The following NAV1 variants were observed in gnomAD, a reference collection of about 807,000 sequenced individuals.
NAV1 encodes neuron navigator 1.
In NAV1, 18 loss-of-function variants were observed where a neutral mutation model predicts 175.2. The ratio of observed to expected loss-of-function variants is 0.10; its 90% CI spans 0.07 to 0.15. NAV1 has a LOEUF of 0.15. NAV1 is among the 10% of genes least tolerant of loss of function. The pLI is 1.00. For missense variants in NAV1, 1,731 were observed against 2,436.6 expected (o/e 0.71, Z 6.10); for synonymous variants, 897 against 978.7 (o/e 0.92, Z 1.56).
intron 1 of NAV1, among the ~76,000 whole-genome samples, chr1:201,697,008 T>G (rs1432002899): frequency 2.0e-5 from 3 of 152,352 alleles, no homozygotes; most frequent in East Asian, 3.9e-4. Context: ...ACAAAAAATT[T>G]TTTTAAATGC....
intron 3 of NAV1, among the ~76,000 whole-genome samples, chr1:201,777,977 G>C (rs1420285345): frequency 6.6e-6 from 1 of 152,012 alleles, no homozygotes; most frequent in East Asian, 1.9e-4. Flanking sequence ...AAGAAACTAT[G>C]CTCTCTTCAG....
chr1:201,615,736 G>A (rs1198800489), intron 2 of NAV1, among the ~76,000 whole-genome samples: 1 of 152,204 alleles, frequency 6.6e-6, no homozygotes, highest in Non-Finnish European at 1.5e-5. Flanking sequence ...AGCAGAGCTA[G>A]GATTTGAACC....
chr1:201,707,670 A>G (rs1452256348), intron 1 of NAV1, among the ~76,000 whole-genome samples: 2 of 152,216 alleles, frequency 1.3e-5, no homozygotes, highest in Non-Finnish European at 2.9e-5. Context: ...TGGAACAGAG[A>G]GAAAGACCCT....
At chr1:201,758,194 CAA>C (rs1674632345) in intron 3 of NAV1, among the ~76,000 whole-genome samples, 1 of 152,168 alleles carries the variant, frequency 6.6e-6, no homozygotes, top group Admixed American at 6.5e-5. Context: ...ATGGGCAGTC[CAA>C]AAAGAGTGCC....
upstream of NAV1, among the ~76,000 whole-genome samples, chr1:201,620,233 G>A (rs1162294482): frequency 1.3e-5 from 2 of 152,096 alleles, no homozygotes; most frequent in African/African-American, 2.4e-5. Flanking sequence ...TATGGAAGGG[G>A]GGATCCCAGG....
chr1:201,642,838 C>T (rs1234988304), intron 2 of NAV1, among the ~76,000 whole-genome samples: 3 of 151,240 alleles, frequency 2.0e-5, no homozygotes, highest in East Asian at 2.0e-4. Flanking sequence ...GGCGCCATCT[C>T]GGCTCACTGC....
chr1:201,668,038 A>AC (rs2102371235), intron 1 of NAV1, among the ~76,000 whole-genome samples: 1 of 152,210 alleles, frequency 6.6e-6, no homozygotes, highest in Non-Finnish European at 1.5e-5. Flanking sequence ...GGCACTTGAA[A>AC]CCATAGCGCC....
chr1:201,738,257 G>A lies in NAV1; in HGVS notation c.1226+19502G>A, dbSNP rs115491428. ...GGGGAAGTCTGAGGGATTGGCGCTA[G>A]GATCACTGCAGCTCTTTACTCCCCT... On this transcript the variant is annotated intron_variant, in intron 3 of 29. Coordinates refer to ENST00000367296, the Ensembl canonical transcript of NAV1. Among the ~76,000 whole-genome samples, 847 of 152,120 alleles carry A rather than the reference G, an allele frequency of 5.6e-3. 8 individuals carry two copies. The highest frequency in any genetic ancestry group is 0.018 in the African/African-American group (766 of 41,502).
chr1:201,545,944 A>G (rs1665659030), intron 1 of NAV1, among the ~76,000 whole-genome samples: 1 of 152,232 alleles, frequency 6.6e-6, no homozygotes, highest in Admixed American at 6.5e-5. Context: ...AAAGGATTTC[A>G]AGAGTCAGTT....
chr1:201,554,408 A>C (rs1665952613), intron 1 of NAV1, among the ~76,000 whole-genome samples: 1 of 152,206 alleles, frequency 6.6e-6, no homozygotes, highest in East Asian at 1.9e-4. Flanking sequence ...GAACCTAGCA[A>C]GCAGTGGGCA....
Position 201,779,598 on chromosome 1 carries a change from C to CAAAAAAAAAAAAAAAAAA in NAV1, c.1227-817_1227-800dup, listed in dbSNP as rs10624879. Among the ~76,000 whole-genome samples, 172 of 69,036 alleles carry CAAAAAAAAAAAAAAAAAA rather than the reference C, an allele frequency of 2.5e-3. 2 individuals are homozygous for CAAAAAAAAAAAAAAAAAA. The highest frequency in any genetic ancestry group is 0.011 in the African/African-American group (141 of 12,804). The allele number at this position is 69,036 out of a possible 152,430, so 45.3% of individuals were successfully genotyped here. A position where few individuals can be genotyped will look rare whatever the true frequency, so the allele number is the denominator to read the frequency against. ...GGGGCAACAGAGCAGGACTCCGTCT[C>CAAAAAAAAAAAAAAAAAA]AAAAAAAAAAAAAAAAAAAAAAAGA... On this transcript the variant is annotated intron_variant, in intron 3 of 29. Coordinates refer to ENST00000367296, the Ensembl canonical transcript of NAV1.
intron 3 of NAV1, among the ~76,000 whole-genome samples, chr1:201,771,500 GAA>G (rs55864064): frequency 3.7e-3 from 321 of 86,818 alleles, no homozygotes; most frequent in Admixed American, 7.7e-3. Flanking sequence ...ACTTCGTCTA[GAA>G]AAAAAAAAAA....
In NAV1 at chr1:201,649,992, C is replaced by T. The variant is rs553605671; in HGVS notation, c.757+567C>T. 1.0e-3 allele frequency among the ~76,000 whole-genome samples: 154 copies of T among 151,760 alleles called. 1 individual carries two copies. The highest frequency in any genetic ancestry group is 3.5e-3 in the African/African-American group (146 of 41,376). On this transcript the variant is annotated intron_variant, in intron 1 of 29. Transcript: ENST00000367296. ...TCTGGCTAAAAGAAGCGTCTAGGGCCGGGGGCGGGCGGGCTGCCAGCTGTG... is the reference window on the plus strand; with the variant it reads ...TCTGGCTAAAAGAAGCGTCTAGGGCTGGGGGCGGGCGGGCTGCCAGCTGTG...
rs1408095319 is a variant in NAV1 at position 201,718,685 on chromosome 1, A to C, written c.1156A>C (p.Lys386Gln). ...CCTGGACTCGGATGAGGTGGACCTCAAGTCCGGCTACATGAGCGACAGTGA... is the reference window on the plus strand; with the variant it reads ...CCTGGACTCGGATGAGGTGGACCTCCAGTCCGGCTACATGAGCGACAGTGA... Residue 386 changes from lysine (K) to glutamine (Q), a missense_variant, in exon 3 of 30, where the codon AAG becomes CAG. Coordinates refer to ENST00000367296, the Ensembl canonical transcript of NAV1. The surrounding 1 kb of genome is among the most constrained non-coding windows in gnomAD (Gnocchi z 4.8). 1.9e-6 allele frequency: 3 copies of C among 1,614,118 alleles called. No homozygotes were observed. The highest frequency in any genetic ancestry group is 2.5e-6 in the Non-Finnish European group (3 of 1,179,994).
chr1:201,591,193 C>T (rs1571835688), intron 2 of NAV1, among the ~76,000 whole-genome samples: 1 of 152,120 alleles, frequency 6.6e-6, no homozygotes, highest in East Asian at 1.9e-4. Context: ...TGTAAAACAA[C>T]GGTATTGGAG....
At chr1:201,622,720 C>A (rs541667962), upstream of NAV1, among the ~76,000 whole-genome samples, 14 of 152,122 alleles carry the variant, frequency 9.2e-5, no homozygotes, top group Non-Finnish European at 2.1e-4. Context: ...AGTCACAATG[C>A]GAACCAGGAG....
rs748092449 is a variant in NAV1, at chr1:201,808,481, G to A, written c.3909G>A (p.Glu1303=). The A allele has an allele frequency of 5.0e-6, 8 of 1,614,274 alleles. No individual in the cohort carries two copies. The highest frequency in any genetic ancestry group is 1.6e-4 in the Middle Eastern group (1 of 6,062). ...ATGCAAATGAGGAGGAGGAGCCAGA[G>A]AAGAAGGAGGTATCGGAGCTGCGCT... The change falls in exon 19 of 30, where the codon GAG becomes GAA. Residue 1303 remains glutamate, a synonymous_variant. Coordinates refer to ENST00000367296, the Ensembl canonical transcript of NAV1. This position sits in a 1 kb window ranked among gnomAD's most constrained non-coding sequence, Gnocchi z 5.5.
chr1:201,594,754 C>T (rs1558010957), intron 2 of NAV1, among the ~76,000 whole-genome samples: 1 of 152,216 alleles, frequency 6.6e-6, no homozygotes, highest in East Asian at 1.9e-4. Context: ...CTGTGTAGAG[C>T]CCTGGGGCAG....
At chr1:201,568,497 A>G (rs1047780475) in intron 1 of NAV1, among the ~76,000 whole-genome samples, 1 of 152,118 alleles carries the variant, frequency 6.6e-6, no homozygotes, top group East Asian at 1.9e-4. Context: ...GGCCCACTGC[A>G]GTTCCTGTGA....
Sources: gnomAD v4.1 joint callset for allele counts (sites outside exome capture counted in the v4.1 genomes callset) on GRCh38, gnomAD v4.1.1 for gene constraint, Gnocchi (gnomAD v3.1) non-coding constraint, MANE v1.5 for transcripts, NCBI Gene and HGNC (gene_info 2026-07-23, HGNC 2026-07-21) for gene names.